SYT9: variants seen among roughly 807,000 people sequenced by gnomAD.
SYT9 encodes synaptotagmin-9.
Under a neutral mutation model 48.4 loss-of-function variants are expected in SYT9, and 22 were observed. That is an observed-to-expected ratio of 0.45 (90% CI 0.32 to 0.65). The LOEUF (loss-of-function observed/expected upper bound fraction) is 0.65, where lower values mean the gene tolerates loss of function less well. Among genes scored for constraint, SYT9 ranks in the 30% least tolerant of loss-of-function variants. The pLI is 0.03. For synonymous variants in SYT9, 265 were observed against 245.0 expected, an observed-to-expected ratio of 1.08 and a Z score of -0.76; for missense variants, 577 against 622.0, an observed-to-expected ratio of 0.93 and a Z score of 0.77.
chr11:7,351,010 A>G (rs1402954203), intron 3 of SYT9, among the ~76,000 whole-genome samples: 1 of 152,220 alleles, frequency 6.6e-6, no homozygotes, highest in Non-Finnish European at 1.5e-5. Flanking sequence ...GTGATTTTTT[A>G]AATGATGTCA....
chr11:7,398,955 C>T (rs1355636100), intron 3 of SYT9, among the ~76,000 whole-genome samples: 1 of 50,428 alleles, frequency 2.0e-5, no homozygotes, highest in East Asian at 5.4e-4. Context: ...AGGCTAGACA[C>T]ACCAAACAGC....
intron 3 of SYT9, among the ~76,000 whole-genome samples, chr11:7,357,280 A>G (rs1850039038): frequency 6.6e-6 from 1 of 152,188 alleles, no homozygotes; most frequent in African/African-American, 2.4e-5. Flanking sequence ...CCTATTATGT[A>G]AAAAAGACAG....
In SYT9 at chr11:7,445,913, T is replaced by C. The variant is rs75652506; in HGVS notation, c.1468-20879T>C. 9.0e-3 allele frequency among the ~76,000 whole-genome samples: 1,369 copies of C among 152,346 alleles called. 11 individuals carry two copies. The highest frequency in any genetic ancestry group is 0.015 in the Non-Finnish European group (1,033 of 68,032). ...GCTGCACTAGTCCTCTGGCCAGTGT[T>C]TGGGCTCAGACAATCCTACCCTACT... On this transcript the variant is annotated intron_variant, in intron 6 of 6. Coordinates refer to ENST00000318881, the MANE Select transcript of SYT9 (RefSeq NM_175733.4).
chr11:7,264,527 A>G (rs1253718167), intron 1 of SYT9, among the ~76,000 whole-genome samples: 1 of 152,046 alleles, frequency 6.6e-6, no homozygotes, highest in African/African-American at 2.4e-5. Context: ...AGAAAAGCGG[A>G]TATGTAAAAG....
rs151278873 is a variant in SYT9, at chr11:7,282,926, G to GCACACACA, written c.146-20102_146-20095dup. ...CGTGTTAAAACACACACACACACAC[G>GCACACACA]CACACACACACACACACATTACCAA... is the stretch of plus-strand genomic sequence containing the variant. On this transcript the variant is annotated intron_variant, in intron 1 of 6. Transcript: ENST00000318881. Among the ~76,000 whole-genome samples the GCACACACA allele has an allele frequency of 2.7e-3, 367 of 135,730 alleles. 1 individual carries two copies. The highest frequency in any genetic ancestry group is 7.5e-3 in the African/African-American group (283 of 37,724). 89.0% of individuals were successfully genotyped at this position (135,730 alleles called of 152,430 possible). A position where few individuals can be genotyped will look rare whatever the true frequency, so the allele number is the denominator to read the frequency against.
At chr11:7,355,433 C>T (rs1361768545) in intron 3 of SYT9, among the ~76,000 whole-genome samples, 1 of 152,208 alleles carries the variant, frequency 6.6e-6, no homozygotes, top group Non-Finnish European at 1.5e-5. Flanking sequence ...ATTACCTTAA[C>T]ACTCTTCTCC....
chr11:7,329,112 T>C (rs531221702), intron 3 of SYT9, among the ~76,000 whole-genome samples: 171 of 152,352 alleles, frequency 1.1e-3, no homozygotes, highest in African/African-American at 3.9e-3. Flanking sequence ...TTCACAGCCA[T>C]GATCTCTTTG....
chr11:7,435,407 T>C (rs1445974511), intron 6 of SYT9: 3 of 152,262 alleles, frequency 2.0e-5, no homozygotes, highest in Non-Finnish European at 2.9e-5. Flanking sequence ...AATAATTCTC[T>C]AAAGCCCCCA....
intron 3 of SYT9, among the ~76,000 whole-genome samples, chr11:7,384,721 G>C (rs77141076): frequency 0.023 from 3,553 of 152,178 alleles, 116 homozygotes; most frequent in African/African-American, 0.077. Context: ...TTCAATCTTT[G>C]TAATGAATTC....
At chr11:7,339,676 T>C (rs1849683029) in intron 3 of SYT9, among the ~76,000 whole-genome samples, 1 of 152,150 alleles carries the variant, frequency 6.6e-6, no homozygotes, top group South Asian at 2.1e-4. Flanking sequence ...ACTTTGAATA[T>C]AGGCCCCCTA....
At position 7,407,542 on chromosome 11, in the gene SYT9, G is replaced by A. The variant is rs565275225; in HGVS notation, c.1045-8500G>A. On this transcript the variant is annotated intron_variant, in intron 3 of 6. Coordinates refer to ENST00000318881, the MANE Select transcript of SYT9 (RefSeq NM_175733.4). Reference sequence around the variant, plus strand: ...ACTACAGGCGCCCGCCACCGCGCCCGGCTAATTTTTTGTATTTTTAGTAGA... The same window carrying A: ...ACTACAGGCGCCCGCCACCGCGCCCAGCTAATTTTTTGTATTTTTAGTAGA... Among the ~76,000 whole-genome samples the A allele has an allele frequency of 8.3e-4, 83 of 99,494 alleles. 21 individuals carry two copies. In the Middle Eastern group the frequency reaches 0.016, roughly 19 times the overall value. The allele number at this position is 99,494 out of a possible 152,430, so 65.3% of individuals were successfully genotyped here. A position where few individuals can be genotyped will look rare whatever the true frequency, so the allele number is the denominator to read the frequency against.
At chr11:7,444,887 C>G (rs1438635044) in intron 6 of SYT9, among the ~76,000 whole-genome samples, 1 of 152,212 alleles carries the variant, frequency 6.6e-6, no homozygotes, top group South Asian at 2.1e-4. Flanking sequence ...TGCCAAGGAG[C>G]TTCCAGGAGA....
chr11:7,242,166 A>C (rs1415884983), intron 1 of SYT9, among the ~76,000 whole-genome samples: 2 of 152,242 alleles, frequency 1.3e-5, no homozygotes, highest in Non-Finnish European at 2.9e-5. Context: ...ATGGGGCTCT[A>C]ATGTGCGTTG....
chr11:7,276,449 G>A (rs1206356249), intron 1 of SYT9, among the ~76,000 whole-genome samples: 1 of 152,168 alleles, frequency 6.6e-6, no homozygotes, highest in African/African-American at 2.4e-5. Context: ...TCTTCAGTGG[G>A]CCCATTCAAC....
rs1848121596 is a variant in SYT9, at chr11:7,454,967, G to C, written c.1468-11825G>C. ...GGCCTACTATCAGCCACAGTGTATA[G>C]AGGACAGCAGATACACAGATGAGAG... is the stretch of plus-strand genomic sequence containing the variant. On this transcript the variant is annotated intron_variant, in intron 6 of 6. Transcript: ENST00000318881. Among the ~76,000 whole-genome samples, 3 of 152,332 alleles carry C rather than the reference G, an allele frequency of 2.0e-5. 1 individual carries two copies. The highest frequency in any genetic ancestry group is 4.1e-4 in the South Asian group (2 of 4,820).
At chr11:7,352,644 C>T (rs1482288808) in intron 3 of SYT9, among the ~76,000 whole-genome samples, 2 of 152,094 alleles carry the variant, frequency 1.3e-5, no homozygotes, top group Admixed American at 6.5e-5. Context: ...TGCCTAGCCC[C>T]GTGAAGAATA....
intron 3 of SYT9, among the ~76,000 whole-genome samples, chr11:7,389,743 C>G (rs1564886554): frequency 2.0e-5 from 3 of 151,876 alleles, no homozygotes. Flanking sequence ...TCAGTGAAAA[C>G]AAGTTATCCA....
At chr11:7,381,371 A>C (rs935424982) in intron 3 of SYT9, among the ~76,000 whole-genome samples, 1 of 152,362 alleles carries the variant, frequency 6.6e-6, no homozygotes, top group African/African-American at 2.4e-5. Context: ...AGTAGCATGC[A>C]TGAGATGAGC....
intron 3 of SYT9, among the ~76,000 whole-genome samples, chr11:7,390,453 G>T (rs1457293632): frequency 1.3e-5 from 2 of 152,186 alleles, no homozygotes; most frequent in Admixed American, 6.5e-5. Context: ...AAGGATAGAT[G>T]ATGGTTTTAA....
Sources: gnomAD v4.1 joint callset for allele counts (sites outside exome capture counted in the v4.1 genomes callset) on GRCh38, gnomAD v4.1.1 for gene constraint, MANE v1.5 for transcripts, NCBI Gene and HGNC (gene_info 2026-07-23, HGNC 2026-07-21) for gene names.